ADAM7: variants seen among roughly 807,000 people sequenced by gnomAD.
ADAM7 encodes the protein ADAM metallopeptidase domain 7.
A neutral mutation model predicts 102.9 loss-of-function variants in ADAM7; 97 were observed. That is an observed-to-expected ratio of 0.94 (90% confidence interval 0.80 to 1.12). The LOEUF (loss-of-function observed/expected upper bound fraction) is 1.12. Ranked by LOEUF, ADAM7 falls within the 50% of genes most tolerant of loss-of-function variation. The pLI, the probability that ADAM7 is intolerant of heterozygous loss-of-function variation, is 0.00. For missense variants in ADAM7, 991 were observed against 908.7 expected (o/e 1.09, Z -1.16); for synonymous variants, 334 against 304.4 (o/e 1.10, Z -1.01).
chr8:24,483,949 A>G (rs1294623826), intron 9 of ADAM7, among the ~76,000 whole-genome samples: 4 of 152,148 alleles, frequency 2.6e-5, no homozygotes, highest in Admixed American at 6.6e-5. Flanking sequence ...TAAATAGCCA[A>G]TTGAGCATCA....
chr8:24,475,977 G>A, intron 7 of ADAM7: 1 of 456,188 alleles, frequency 2.2e-6, no homozygotes, highest in Non-Finnish European at 4.4e-6. Context: ...CACTTCTCCA[G>A]CTCCAGTGGG....
intron 3 of ADAM7, among the ~76,000 whole-genome samples, chr8:24,463,373 A>G (rs546113875): frequency 6.6e-6 from 1 of 152,280 alleles, no homozygotes; most frequent in Non-Finnish European, 1.5e-5. Context: ...GACCACTGCA[A>G]TGGTAGGGTC....
intron 16 of ADAM7, among the ~76,000 whole-genome samples, chr8:24,497,871 A>G (rs1820613319): frequency 6.6e-6 from 1 of 152,110 alleles, no homozygotes; most frequent in Non-Finnish European, 1.5e-5. Context: ...CTTCTCTGCA[A>G]CAAGTATCCA....
At chr8:24,462,119 A>G (rs1819264523) in intron 3 of ADAM7, among the ~76,000 whole-genome samples, 1 of 152,210 alleles carries the variant, frequency 6.6e-6, no homozygotes, top group Admixed American at 6.5e-5. Context: ...AAGAGTTCTC[A>G]TATTTTCATT....
At chr8:24,479,930 C>T (rs1819893582) in intron 8 of ADAM7, among the ~76,000 whole-genome samples, 1 of 152,138 alleles carries the variant, frequency 6.6e-6, no homozygotes, top group Non-Finnish European at 1.5e-5. Context: ...CTGGCTTGTC[C>T]TTTTTGTCAG....
chr8:24,441,064 C>T lies in ADAM7; in HGVS notation c.-45C>T. On this transcript the variant is annotated 5_prime_UTR_variant, in exon 1 of 22. Transcript: ENST00000175238. ...AAGTGAGGAGGAAGAAAGGTGAACT[C>T]CTTTTCTCAAGCACTTCTGCTCTCC... is the stretch of plus-strand genomic sequence containing the variant. The T allele has an allele frequency of 6.4e-6, 10 of 1,568,600 alleles. No homozygotes were observed. The highest frequency in any genetic ancestry group is 8.8e-6 in the Non-Finnish European group (10 of 1,139,004).
chr8:24,476,358 T>C, intron 7 of ADAM7, 75 bp from the exon 8 acceptor site: 2 of 1,111,196 alleles, frequency 1.8e-6, no homozygotes, highest in African/African-American at 3.2e-5. Flanking sequence ...TAATAGCTGA[T>C]GAATGAAGTA....
In ADAM7 at chr8:24,499,797, TACACACACAC is replaced by T. The variant is rs35010933; in HGVS notation, c.1924-359_1924-350del. On this transcript the variant is annotated intron_variant, in intron 17 of 21. Transcript: ENST00000175238. ...TTAATCAGTAACACTTATATAGTAA[TACACACACAC>T]ACACACACACACACACACACATCAC... is the stretch of plus-strand genomic sequence containing the variant. Among the ~76,000 whole-genome samples the T allele has an allele frequency of 6.8e-3, 1,002 of 148,238 alleles. 8 individuals carry two copies. Among genetic ancestry groups the T allele is most frequent in the African/African-American group, 0.022 (889 of 40,238 alleles).
chr8:24,499,478 T>G (rs560655735), intron 17 of ADAM7, among the ~76,000 whole-genome samples, 162 bp downstream of exon 17: 1 of 152,196 alleles, frequency 6.6e-6, no homozygotes, highest in South Asian at 2.1e-4. Flanking sequence ...TCAACAAAAT[T>G]TATCCAAGGA....
chr8:24,497,761 C>T (rs1463383120), intron 16 of ADAM7, among the ~76,000 whole-genome samples: 2 of 152,076 alleles, frequency 1.3e-5, no homozygotes, highest in African/African-American at 4.8e-5. Context: ...TTTACTTACC[C>T]TCATGCCTTG....
intron 7 of ADAM7, among the ~76,000 whole-genome samples, chr8:24,475,268 T>A (rs139586881): frequency 1.3e-3 from 196 of 152,314 alleles, no homozygotes; most frequent in African/African-American, 4.4e-3. Context: ...AGCTTCAGAA[T>A]ATTCTCCACA....
rs541715913 is a variant in ADAM7, at chr8:24,504,247, T to A, written c.2208+2671T>A. 1.9e-4 allele frequency among the ~76,000 whole-genome samples: 29 copies of A among 151,666 alleles called. 1 individual carries two copies. The South Asian group carries it at 6.1e-3, about 32-fold the overall frequency. ...CAAACATAATGGTGCACACCTGTAGTCCCTAGCTACACGGGAGACTGAGGC... is the reference window on the plus strand; with the variant it reads ...CAAACATAATGGTGCACACCTGTAGACCCTAGCTACACGGGAGACTGAGGC... On this transcript the variant is annotated intron_variant, in intron 20 of 21. Transcript: ENST00000175238.
chr8:24,485,435 A>G, intron 10 of ADAM7, 74 bp downstream of exon 10: 1 of 1,366,424 alleles, frequency 7.3e-7, no homozygotes, highest in Non-Finnish European at 1.0e-6. Flanking sequence ...TTCCATGGAA[A>G]GAGACTATGT....
chr8:24,452,279 G>T (rs1368005048), intron 3 of ADAM7, among the ~76,000 whole-genome samples: 2 of 150,224 alleles, frequency 1.3e-5, no homozygotes, highest in African/African-American at 2.4e-5. Flanking sequence ...TATTGTGTGG[G>T]AGTCTAAGTC....
chr8:24,484,332 A>G (rs1373216710), intron 9 of ADAM7, among the ~76,000 whole-genome samples: 2 of 152,220 alleles, frequency 1.3e-5, no homozygotes, highest in Admixed American at 6.5e-5. Context: ...GAGTTCTATT[A>G]CATTCCAGGT....
In ADAM7 at chr8:24,501,521, G is replaced by C. The variant is rs946930666; in HGVS notation, c.2153G>C (p.Gly718Ala). Residue 718 changes from glycine (G) to alanine (A), a missense_variant, in exon 20 of 22, where the codon GGT (glycine) becomes GCT (alanine). Coordinates refer to ENST00000175238, the MANE Select transcript of ADAM7 (RefSeq NM_003817.4). ...GGAGTGGAGAACAAAGGATACTTTGGTGATGAGCAGCAGATAAGGACTGAG... is the reference window on the plus strand; with the variant it reads ...GGAGTGGAGAACAAAGGATACTTTGCTGATGAGCAGCAGATAAGGACTGAG... Reference protein sequence around the residue: ...TLGVENKGYFGDEQQIRTEPI... With the variant: ...TLGVENKGYFADEQQIRTEPI... 2.5e-6 allele frequency: 4 copies of C among 1,608,706 alleles called. No individual in the cohort carries two copies. Among genetic ancestry groups the C allele is most frequent in the Non-Finnish European group, 3.4e-6 (4 of 1,178,304 alleles).
At chr8:24,470,047 A>G (rs1819553911) in intron 7 of ADAM7, among the ~76,000 whole-genome samples, 1 of 152,186 alleles carries the variant, frequency 6.6e-6, no homozygotes, top group Non-Finnish European at 1.5e-5. Flanking sequence ...AGAATTTTCC[A>G]GAAGGAAAGG....
intron 7 of ADAM7, among the ~76,000 whole-genome samples, chr8:24,471,225 T>G (rs1338419106): frequency 6.6e-6 from 1 of 152,122 alleles, no homozygotes; most frequent in Non-Finnish European, 1.5e-5. Context: ...TTTAAAAATT[T>G]TTAAAGTTTA....
chr8:24,501,441 T>A, intron 19 of ADAM7, 36 bp from the exon 20 acceptor site: 1 of 1,471,544 alleles, frequency 6.8e-7, no homozygotes, highest in Admixed American at 1.9e-5. Context: ...TAGCCCTATA[T>A]CTAATAAATT....
Sources: allele counts gnomAD v4.1 joint callset (sites outside exome capture counted in the v4.1 genomes callset), GRCh38; gene constraint gnomAD v4.1.1; transcripts MANE v1.5; gene names NCBI Gene and HGNC (gene_info 2026-07-23, HGNC 2026-07-21).